Variants in PDSS2 observed in about 807,000 individuals in gnomAD.
PDSS2 encodes decaprenyl diphosphate synthase subunit 2.
PDSS2 carries 31 observed loss-of-function variants against 44.5 expected under a neutral mutation model. The ratio of observed to expected loss-of-function variants is 0.70; its 90% CI spans 0.52 to 0.94. The LOEUF is 0.94. Among genes scored for constraint, PDSS2 ranks in the 40% least tolerant of loss-of-function variants. The probability of loss-of-function intolerance (pLI) is 0.00; values close to 1 mark genes in which losing one functional copy is unlikely to be tolerated. For missense variants in PDSS2, 452 were observed against 482.2 expected (o/e 0.94, Z 0.59); for synonymous variants, 157 against 180.3 (o/e 0.87, Z 1.03).
rs149002833 is a variant in PDSS2, at chr6:107,445,752, T to C, written c.296+13238A>G. On this transcript the variant is annotated intron_variant, in intron 1 of 7. Coordinates refer to ENST00000369037, the MANE Select transcript of PDSS2 (RefSeq NM_020381.4). ...CATTCAGATACAATATTAATTTCCA[T>C]GCTAGTCCGGAATTGGCAACATTAT... Among the ~76,000 whole-genome samples the C allele has an allele frequency of 8.8e-3, 1,336 of 152,322 alleles. 30 individuals carry two copies. The highest frequency in any genetic ancestry group is 0.031 in the African/African-American group (1,275 of 41,556).
At position 107,374,283 on chromosome 6, in the gene PDSS2, T is replaced by C. The variant is rs983314337; in HGVS notation, c.297-39951A>G. Among the ~76,000 whole-genome samples the C allele has an allele frequency of 4.9e-5, 7 of 143,704 alleles. 1 individual carries two copies. The highest frequency in any genetic ancestry group is 4.3e-4 in the South Asian group (2 of 4,616). The allele number at this position is 143,704 out of a possible 152,430, so 94.3% of individuals were successfully genotyped here. A position where few individuals can be genotyped will look rare whatever the true frequency, so the allele number is the denominator to read the frequency against. On this transcript the variant is annotated intron_variant, in intron 1 of 7. Coordinates refer to ENST00000369037, the MANE Select transcript of PDSS2 (RefSeq NM_020381.4). ...AAAAAAAAAAAAAAAAAATCACCAA[T>C]GAAAGCAACTAACAGCAGCTAATAC...
chr6:107,245,449 A>T, intron 4 of PDSS2, 99 bp downstream of exon 4: 1 of 436,416 alleles, frequency 2.3e-6, no homozygotes, highest in South Asian at 2.4e-5. Flanking sequence ...AAAAAAAGCC[A>T]TGTACAATTT....
At chr6:107,435,475 CT>C (rs1228718582) in intron 1 of PDSS2, among the ~76,000 whole-genome samples, 1 of 152,070 alleles carries the variant, frequency 6.6e-6, no homozygotes, top group Non-Finnish European at 1.5e-5. Flanking sequence ...ATCAAAAATG[CT>C]TTTAGCAAAA....
At chr6:107,252,947 C>T (rs1274151111) in intron 3 of PDSS2, among the ~76,000 whole-genome samples, 6 of 152,114 alleles carry the variant, frequency 3.9e-5, no homozygotes, top group African/African-American at 1.4e-4. Context: ...AAACTAGTCT[C>T]GTTAGGCCAC....
intron 1 of PDSS2, among the ~76,000 whole-genome samples, chr6:107,419,857 T>C (rs1780772003): frequency 6.6e-6 from 1 of 152,216 alleles, no homozygotes. Flanking sequence ...ATGAAAAGCA[T>C]CGTTATCAAC....
chr6:107,426,342 G>C (rs1281248855), intron 1 of PDSS2, among the ~76,000 whole-genome samples: 2 of 152,234 alleles, frequency 1.3e-5, no homozygotes, highest in Non-Finnish European at 2.9e-5. Context: ...ACCGGGGTTT[G>C]GGAACGTCTG....
At chr6:107,318,596 G>A (rs1433695184) in intron 2 of PDSS2, among the ~76,000 whole-genome samples, 1 of 152,058 alleles carries the variant, frequency 6.6e-6, no homozygotes, top group Non-Finnish European at 1.5e-5. Flanking sequence ...ATAATGCCTT[G>A]ATAGTGACAT....
intron 7 of PDSS2, among the ~76,000 whole-genome samples, chr6:107,165,756 A>G (rs1213623303): frequency 4.9e-4 from 74 of 152,182 alleles, no homozygotes; most frequent in Non-Finnish European, 8.5e-4. Context: ...TACCTTGGGC[A>G]GTATGGCCAT....
intron 2 of PDSS2, among the ~76,000 whole-genome samples, chr6:107,282,172 C>A (rs1242830438): frequency 6.6e-6 from 1 of 152,174 alleles, no homozygotes; most frequent in Non-Finnish European, 1.5e-5. Context: ...TCCTAAAGTG[C>A]TGGGATTAGA....
chr6:107,248,496 T>C (rs1774703270), intron 3 of PDSS2, among the ~76,000 whole-genome samples: 1 of 132,004 alleles, frequency 7.6e-6, no homozygotes, highest in Admixed American at 8.1e-5. Flanking sequence ...CCTTGGAAGC[T>C]CAACAGATTA....
chr6:107,277,463 T>C (rs1297971099), intron 2 of PDSS2, among the ~76,000 whole-genome samples: 1 of 152,192 alleles, frequency 6.6e-6, no homozygotes, highest in East Asian at 1.9e-4. Context: ...ACACATGCAA[T>C]ATTTTGAGAT....
At chr6:107,244,645 C>T (rs1252015985) in intron 4 of PDSS2, among the ~76,000 whole-genome samples, 1 of 152,166 alleles carries the variant, frequency 6.6e-6, no homozygotes, top group African/African-American at 2.4e-5. Flanking sequence ...ACCCAGAGTC[C>T]CTGGGTTATA....
intron 4 of PDSS2, among the ~76,000 whole-genome samples, chr6:107,213,971 A>G (rs1773319972): frequency 6.6e-6 from 1 of 152,140 alleles, no homozygotes; most frequent in Non-Finnish European, 1.5e-5. Context: ...TGTAATGTAA[A>G]CTTTTCTAGT....
intron 7 of PDSS2, among the ~76,000 whole-genome samples, chr6:107,160,852 T>G (rs1375074054): frequency 6.6e-6 from 1 of 151,930 alleles, no homozygotes; most frequent in Non-Finnish European, 1.5e-5. Flanking sequence ...GAGATTCTCC[T>G]GCCTCAGCCT....
At chr6:107,414,016 G>A (rs1219963733) in intron 1 of PDSS2, among the ~76,000 whole-genome samples, 5 of 152,086 alleles carry the variant, frequency 3.3e-5, no homozygotes, top group African/African-American at 1.2e-4. Flanking sequence ...AAAACAAAAA[G>A]AAAAGTATTT....
chr6:107,399,129 A>G (rs921084937), intron 1 of PDSS2, among the ~76,000 whole-genome samples: 11 of 152,204 alleles, frequency 7.2e-5, no homozygotes, highest in African/African-American at 2.4e-4. Context: ...TCAAGGCAAC[A>G]TAATAAGGTA....
intron 1 of PDSS2, among the ~76,000 whole-genome samples, chr6:107,399,492 G>A (rs1403534764): frequency 6.6e-6 from 1 of 151,966 alleles, no homozygotes; most frequent in African/African-American, 2.4e-5. Flanking sequence ...GGCCAATCTG[G>A]GCAATTATGA....
intron 2 of PDSS2, among the ~76,000 whole-genome samples, chr6:107,314,274 C>T (rs557318557): frequency 6.6e-6 from 1 of 151,990 alleles, no homozygotes; most frequent in Non-Finnish European, 1.5e-5. Context: ...TAAAACAGCA[C>T]CAATCCTTCA....
chr6:107,200,152 AG>A (rs976177461), intron 6 of PDSS2, among the ~76,000 whole-genome samples: 1 of 152,208 alleles, frequency 6.6e-6, no homozygotes, highest in Non-Finnish European at 1.5e-5. Flanking sequence ...TCAAAATTTC[AG>A]GGATTAAAGG....
Sources: gnomAD v4.1 joint callset for allele counts (sites outside exome capture counted in the v4.1 genomes callset) on GRCh38, gnomAD v4.1.1 for gene constraint, MANE v1.5 for transcripts, NCBI Gene and HGNC (gene_info 2026-07-23, HGNC 2026-07-21) for gene names.